The following CYRIB variants were observed in gnomAD, a reference collection of about 807,000 sequenced individuals.
The protein encoded by CYRIB is CYFIP-related Rac1 interactor B.
Under a neutral mutation model 44.2 loss-of-function variants are expected in CYRIB, and 8 were observed. That is an observed-to-expected ratio of 0.18 (90% CI 0.11 to 0.33). The LOEUF is 0.33. Among genes scored for constraint, CYRIB ranks in the 10% least tolerant of loss-of-function variants. The pLI, the probability that CYRIB is intolerant of heterozygous loss-of-function variation, is 1.00. For synonymous variants in CYRIB, 131 were observed against 127.2 expected (o/e 1.03, Z -0.20); for missense variants, 185 against 382.8 (o/e 0.48, Z 4.31).
At chr8:129,944,176 G>C (rs2093971841), upstream of CYRIB, among the ~76,000 whole-genome samples, 1 of 152,104 alleles carries the variant, frequency 6.6e-6, no homozygotes, top group Admixed American at 6.6e-5. Flanking sequence ...TGACCACAGG[G>C]TCCAATATGG....
intron 2 of CYRIB, among the ~76,000 whole-genome samples, chr8:129,882,210 T>C (rs964591791): frequency 6.6e-6 from 1 of 152,212 alleles, no homozygotes; most frequent in African/African-American, 2.4e-5. Flanking sequence ...TTTTAGGAGT[T>C]TAATCTATGG....
intron 1 of CYRIB, among the ~76,000 whole-genome samples, chr8:129,908,751 C>T (rs944692662): frequency 1.3e-5 from 2 of 152,148 alleles, no homozygotes. Context: ...CTACACCATG[C>T]TTACTACCAC....
chr8:129,923,304 C>T (rs1589888032), intron 1 of CYRIB, among the ~76,000 whole-genome samples: 1 of 151,654 alleles, frequency 6.6e-6, no homozygotes, highest in African/African-American at 2.4e-5. Flanking sequence ...GATAGAGTTT[C>T]GCTCTTGTCA....
intron 2 of CYRIB, among the ~76,000 whole-genome samples, chr8:129,961,226 A>G (rs752405309): frequency 6.6e-6 from 1 of 152,172 alleles, no homozygotes; most frequent in Non-Finnish European, 1.5e-5. Flanking sequence ...GGTCTCATTC[A>G]AGAAATATTT....
intron 1 of CYRIB, among the ~76,000 whole-genome samples, chr8:130,005,870 G>A (rs950171797): frequency 2.6e-5 from 4 of 151,356 alleles, no homozygotes; most frequent in Non-Finnish European, 5.9e-5. Flanking sequence ...GATCTCCACT[G>A]TCCTTTCCAT....
intron 1 of CYRIB, among the ~76,000 whole-genome samples, chr8:129,986,696 C>T (rs191845676): frequency 2.4e-4 from 36 of 152,314 alleles, no homozygotes; most frequent in African/African-American, 8.4e-4. Flanking sequence ...AAGGCCCTCA[C>T]CAGATGCAGC....
chr8:129,875,382 T>TA, intron 3 of CYRIB, among the ~76,000 whole-genome samples: 1 of 151,796 alleles, frequency 6.6e-6, no homozygotes, highest in South Asian at 2.1e-4. Flanking sequence ...ATTAAAAAAT[T>TA]TTTTTTTTCA....
At chr8:129,846,140 G>A (rs969864161) in intron 11 of CYRIB, among the ~76,000 whole-genome samples, 3 of 152,088 alleles carry the variant, frequency 2.0e-5, no homozygotes, top group African/African-American at 4.8e-5. Context: ...TCTAAATAAC[G>A]AAATAATGTT....
chr8:129,899,975 G>C (rs112561918), intron 2 of CYRIB, among the ~76,000 whole-genome samples: 1 of 152,212 alleles, frequency 6.6e-6, no homozygotes, highest in Non-Finnish European at 1.5e-5. Flanking sequence ...GCTTCCCTGG[G>C]TTTCCTTAAC....
chr8:129,857,431 A>G (rs1026716080), intron 5 of CYRIB, among the ~76,000 whole-genome samples: 4 of 152,204 alleles, frequency 2.6e-5, no homozygotes, highest in African/African-American at 9.7e-5. Context: ...GAAGAGCATG[A>G]CATACTTGAG....
chr8:129,903,376 G>GA (rs1249312101), intron 1 of CYRIB, 26 bp from the exon 4 acceptor site: 5 of 152,622 alleles, frequency 3.3e-5, no homozygotes, highest in Non-Finnish European at 7.4e-5. Context: ...AAAAAAGGAA[G>GA]AAAGTCTAAA....
chr8:129,843,612 G>A (rs926451201), intron 11 of CYRIB, among the ~76,000 whole-genome samples: 3 of 152,130 alleles, frequency 2.0e-5, no homozygotes, highest in Non-Finnish European at 2.9e-5. Flanking sequence ...ATATTACCCC[G>A]GTTGGCCTTC....
chr8:129,903,845 C>T (rs1212011169), intron 1 of CYRIB, among the ~76,000 whole-genome samples: 2 of 152,252 alleles, frequency 1.3e-5, no homozygotes, highest in South Asian at 4.1e-4. Flanking sequence ...CTATTATTTG[C>T]CAGGGACACA....
At chr8:129,876,921 T>C (rs979148053) in intron 3 of CYRIB, among the ~76,000 whole-genome samples, 7 of 152,242 alleles carry the variant, frequency 4.6e-5, no homozygotes, top group Non-Finnish European at 5.9e-5. Context: ...TTTAAGTTAT[T>C]GAGAATTAGC....
chr8:129,991,252 C>T (rs186402625), intron 1 of CYRIB, among the ~76,000 whole-genome samples: 18 of 152,134 alleles, frequency 1.2e-4, no homozygotes, highest in African/African-American at 4.1e-4. Flanking sequence ...ACAGTGCCTG[C>T]CTGGCACTAA....
At chr8:129,969,289 C>T (rs1198922927) in intron 2 of CYRIB, among the ~76,000 whole-genome samples, 2 of 152,190 alleles carry the variant, frequency 1.3e-5, no homozygotes, top group African/African-American at 4.8e-5. Flanking sequence ...GCTAGGATTA[C>T]AGGCGTGAGC....
intron 1 of CYRIB, among the ~76,000 whole-genome samples, chr8:129,990,497 CGTGTGTGTGT>C (rs34534615): frequency 5.4e-5 from 8 of 147,296 alleles, no homozygotes; most frequent in African/African-American, 1.0e-4. Flanking sequence ...TGTGTGTATG[CGTGTGTGTGT>C]GTGTGTGTGT....
intron 1 of CYRIB, among the ~76,000 whole-genome samples, chr8:129,919,230 C>T (rs1340488053): frequency 3.3e-5 from 5 of 152,096 alleles, no homozygotes; most frequent in Non-Finnish European, 4.4e-5. Context: ...CATAGATAAC[C>T]ACTTTGGAGT....
At chr8:129,976,810 G>A (rs1032885431) in intron 1 of CYRIB, among the ~76,000 whole-genome samples, 1 of 151,970 alleles carries the variant, frequency 6.6e-6, no homozygotes, top group Non-Finnish European at 1.5e-5. Context: ...TTGTGTGTGT[G>A]TTTATGTGTT....
Sources: allele counts gnomAD v4.1 joint callset (sites outside exome capture counted in the v4.1 genomes callset), GRCh38; gene constraint gnomAD v4.1.1; transcripts MANE v1.5; gene names NCBI Gene and HGNC (gene_info 2026-07-23, HGNC 2026-07-21).